WNK2: variants seen among roughly 807,000 people sequenced by gnomAD.
WNK2 encodes the protein WNK lysine deficient protein kinase 2.
In WNK2, 67 loss-of-function variants were observed where a neutral mutation model predicts 192.1. The ratio of observed to expected loss-of-function variants is 0.35; its 90% confidence interval spans 0.29 to 0.43. The LOEUF is 0.43. Ranked by LOEUF, WNK2 falls within the 20% of genes least tolerant of loss-of-function variation. WNK2 has a pLI of 1.00. For synonymous variants in WNK2, 1,439 were observed against 1,393.9 expected, an observed-to-expected ratio of 1.03 and a Z score of -0.72; for missense variants, 2,698 against 3,089.7, an observed-to-expected ratio of 0.87 and a Z score of 3.01.
intron 19 of WNK2, among the ~76,000 whole-genome samples, chr9:93,269,243 C>T (rs536645742): frequency 1.1e-4 from 16 of 152,142 alleles, no homozygotes; most frequent in Non-Finnish European, 1.9e-4. Context: ...CAGATGCCAA[C>T]AAGCCCGTGC....
chr9:93,262,676 G>T lies in WNK2; in HGVS notation c.3367G>T (p.Ala1123Ser). The T allele has an allele frequency of 6.2e-7, 1 of 1,612,648 alleles. No homozygotes were observed. The highest frequency in any genetic ancestry group is 1.1e-5 in the South Asian group (1 of 91,078). Residue 1123 changes from alanine to serine, a missense_variant, in exon 14 of 30, where the codon GCC becomes TCC. By Grantham distance (99) the Ala-to-Ser change is moderately conservative. Transcript: ENST00000427277. ...CTCCGGGTGTTTATTTCAGGAGCAG[G>T]CCTCACAGGACAAGCCGCCCGGCCT... ...LTVEPVQEEQ[A>S]SQDKPPGLPQ...
rs1854947781 is a variant in WNK2 at position 93,317,626 on chromosome 9, C to T, written c.6623C>T (p.Thr2208Ile). Residue 2208 changes from threonine (T) to isoleucine (I), a missense_variant, in exon 29 of 30, where the codon ACA (threonine) becomes ATA (isoleucine). Physicochemically the swap from Thr to Ile is moderately conservative, Grantham distance 89 (BLOSUM62 -1). This residue lies in a region of WNK2 where 167 missense variants were observed against 184.2 expected (regional missense o/e 0.91). Coordinates refer to ENST00000427277, the MANE Select transcript of WNK2 (RefSeq NM_006648.4). ...PGAAPTLSVP[T>I]PDPESEKPD ...GCCGCCCCGACCCTGTCCGTGCCCA[C>T]ACCAGGTACTGCCCTCTCCAACCTC... 1 of 1,612,800 alleles carries T rather than the reference C, an allele frequency of 6.2e-7. No individual in the cohort carries two copies. The highest frequency in any genetic ancestry group is 2.2e-5 in the East Asian group (1 of 44,876).
At chr9:93,197,997 A>C (rs1396449465) in intron 2 of WNK2, among the ~76,000 whole-genome samples, 5 of 152,156 alleles carry the variant, frequency 3.3e-5, no homozygotes. Context: ...CTCTAGAGGC[A>C]TATTGGCTTC....
intron 2 of WNK2, among the ~76,000 whole-genome samples, chr9:93,196,496 T>A (rs181825816): frequency 1.4e-4 from 21 of 152,306 alleles, no homozygotes; most frequent in African/African-American, 4.3e-4. Context: ...GCCTCATGGC[T>A]ACAGTAGGGC....
At chr9:93,300,198 C>T (rs780167189) in intron 26 of WNK2, 49 bp downstream of exon 26, 44 of 1,445,200 alleles carry the variant, frequency 3.0e-5, no homozygotes, top group Non-Finnish European at 4.3e-5. Context: ...CCTTGGTTTT[C>T]TCCCCCCACC....
chr9:93,262,509 C>G (rs1171017915), intron 13 of WNK2, among the ~76,000 whole-genome samples, 161 bp from the exon 14 acceptor site: 1 of 152,226 alleles, frequency 6.6e-6, no homozygotes, highest in Non-Finnish European at 1.5e-5. Context: ...TTGTGACGCC[C>G]CCTGGGTCGT....
chr9:93,295,764 C>T (rs1031382883), intron 23 of WNK2, among the ~76,000 whole-genome samples: 10 of 147,216 alleles, frequency 6.8e-5, no homozygotes, highest in Admixed American at 4.7e-4. Context: ...CTATCCTCCC[C>T]TCTCCATCCT....
intron 14 of WNK2, chr9:93,263,312 T>C (rs1327226554): frequency 1.8e-6 from 1 of 556,972 alleles, no homozygotes; most frequent in Non-Finnish European, 3.2e-6. Context: ...GTCAGGAGAC[T>C]GAGAGGATCA....
chr9:93,258,982 G>A lies in WNK2; in HGVS notation c.2434G>A (p.Gly812Ser), dbSNP rs746036582. 22 of 1,612,252 alleles carry A rather than the reference G, an allele frequency of 1.4e-5. No individual in the cohort carries two copies. Among genetic ancestry groups the A allele is most frequent in the African/African-American group, 1.2e-4 (9 of 74,660 alleles). ...PPITPLAGID[G>S]LPPALPDLPT... The stretch of plus-strand genomic sequence containing the variant: ...CATCACGCCCCTGGCGGGAATCGAC[G>A]GCCTCCCTCCGGCCCTCCCAGACCT... The change falls in exon 12 of 30, where the codon GGC becomes AGC. Residue 812 changes from glycine (G) to serine (S), a missense_variant. By Grantham distance (56) the Gly-to-Ser change is moderately conservative (BLOSUM62 0). Coordinates refer to ENST00000427277, the MANE Select transcript of WNK2 (RefSeq NM_006648.4).
intron 2 of WNK2, among the ~76,000 whole-genome samples, chr9:93,198,976 C>G (rs551848580): frequency 2.6e-5 from 4 of 152,190 alleles, no homozygotes; most frequent in Non-Finnish European, 5.9e-5. Context: ...GTCATCCTCT[C>G]GCTGGCTCGG....
chr9:93,299,284 C>G, intron 25 of WNK2, 23 bp downstream of exon 25: 1 of 1,547,458 alleles, frequency 6.5e-7, no homozygotes, highest in Non-Finnish European at 8.8e-7. Flanking sequence ...TTGCCTGTCT[C>G]CGAGCATGTG....
In WNK2 at chr9:93,257,019, G is replaced by A. The variant is rs776859591; in HGVS notation, c.2262G>A (p.Pro754=). The change falls in exon 11 of 30, where the codon CCG becomes CCA. Residue 754 remains proline (P), a synonymous_variant. Transcript: ENST00000427277. The surrounding 1 kb of genome is among the most constrained non-coding windows in gnomAD (Gnocchi z 4.7). ...CACAGCCCGTGGTCCCCCTCCAGCC[G>A]GTTCCCCCCCACCTGCCACCGTACC... The part of the protein sequence containing the change: ...LAPQPVVPLQ[P]VPPHLPPYLA... The A allele has an allele frequency of 9.4e-6, 15 of 1,602,354 alleles. No homozygotes were observed. The highest frequency in any genetic ancestry group is 1.7e-4 in the Middle Eastern group (1 of 6,032).
At position 93,229,919 on chromosome 9, in the gene WNK2, C is replaced by T; in HGVS notation, c.854+51C>T. ...GGCGGGTCCTGGCATGGGTGCAGGG[C>T]TACCATAGCTGAGGGTGAGGTCTTG... On this transcript the variant is annotated intron_variant, in intron 3 of 29. Coordinates refer to ENST00000427277, the MANE Select transcript of WNK2 (RefSeq NM_006648.4). This position sits in a 1 kb window ranked among gnomAD's most constrained non-coding sequence, Gnocchi z 4.9. 6.3e-7 allele frequency: 1 copy of T among 1,586,418 alleles called. No individual in the cohort carries two copies. Among genetic ancestry groups the T allele is most frequent in the Non-Finnish European group, 8.6e-7 (1 of 1,164,222 alleles).
intron 21 of WNK2, among the ~76,000 whole-genome samples, chr9:93,290,617 G>A (rs999292761): frequency 3.9e-5 from 6 of 152,316 alleles, no homozygotes; most frequent in South Asian, 2.1e-4. Flanking sequence ...GTCTGCACAC[G>A]TTCCGGTGGA....
Position 93,298,033 on chromosome 9 carries a change from G to A in WNK2, c.5889G>A (p.Leu1963=). The change falls in exon 24 of 30, where the codon CTG becomes CTA. Residue 1963 remains leucine (L), a synonymous_variant. Transcript: ENST00000427277. ...KLKAGKLLNP[L]VRQLKVVASS... is the part of the protein sequence containing the mutation. ...AGGCAGGCAAGCTGCTAAATCCCCTGGTGCGGCAGCTCAAGGTCGTGGCCT... is the reference window on the plus strand; with the variant it reads ...AGGCAGGCAAGCTGCTAAATCCCCTAGTGCGGCAGCTCAAGGTCGTGGCCT... The A allele has an allele frequency of 5.8e-6, 9 of 1,552,736 alleles. No individual in the cohort carries two copies. Among genetic ancestry groups the A allele is most frequent in the Non-Finnish European group, 7.8e-6 (9 of 1,148,606 alleles).
intron 28 of WNK2, chr9:93,317,206 G>T: frequency 2.1e-6 from 1 of 487,132 alleles, no homozygotes; most frequent in South Asian, 2.2e-5. Flanking sequence ...GTAGAGGCAT[G>T]TGGGGTCACT....
chr9:93,254,791 C>T (rs1843054937), intron 9 of WNK2, among the ~76,000 whole-genome samples: 1 of 152,140 alleles, frequency 6.6e-6, no homozygotes, highest in South Asian at 2.1e-4. Flanking sequence ...AAGCAAGACC[C>T]TGTCTCTACA....
intron 19 of WNK2, among the ~76,000 whole-genome samples, chr9:93,282,374 CAT>C (rs1379457946): frequency 6.6e-6 from 1 of 150,514 alleles, no homozygotes; most frequent in Non-Finnish European, 1.5e-5. Context: ...ATGGAGAACA[CAT>C]AGAAATCTTT....
intron 7 of WNK2, among the ~76,000 whole-genome samples, chr9:93,244,407 C>A (rs1841317180): frequency 6.6e-6 from 1 of 152,188 alleles, no homozygotes; most frequent in African/African-American, 2.4e-5. Context: ...TTCATACTCT[C>A]CTGATAATGC....
Sources: allele counts gnomAD v4.1 joint callset (sites outside exome capture counted in the v4.1 genomes callset), GRCh38; gene constraint gnomAD v4.1.1; regional missense constraint gnomAD v4.1.1; non-coding constraint Gnocchi (gnomAD v3.1); transcripts MANE v1.5; gene names NCBI Gene and HGNC (gene_info 2026-07-23, HGNC 2026-07-21).